NRXN3: variants seen among roughly 807,000 people sequenced by gnomAD.
NRXN3 encodes the protein neurexin III.
Under a neutral mutation model 137.6 loss-of-function variants are expected in NRXN3, and 32 were observed. That is an observed-to-expected ratio of 0.23 (90% confidence interval 0.18 to 0.31). NRXN3 has a LOEUF of 0.31. Among genes scored for constraint, NRXN3 ranks in the 10% least tolerant of loss-of-function variants. NRXN3 has a pLI of 1.00. For missense variants in NRXN3, 1,574 were observed against 2,062.5 expected (o/e 0.76, Z 4.59); for synonymous variants, 798 against 784.5 (o/e 1.02, Z -0.29).
intron 15 of NRXN3, among the ~76,000 whole-genome samples, chr14:79,445,610 A>G (rs2096051046): frequency 6.6e-6 from 1 of 152,198 alleles, no homozygotes; most frequent in Non-Finnish European, 1.5e-5. Context: ...AAAGCTTTTC[A>G]GGAGATCACC....
intron 16 of NRXN3, among the ~76,000 whole-genome samples, chr14:79,655,454 C>T (rs1170313534): frequency 6.6e-6 from 1 of 152,208 alleles, no homozygotes; most frequent in East Asian, 1.9e-4. Context: ...TTCACACGTG[C>T]GTGCTCATGG....
At chr14:79,703,764 A>C (rs150239485) in intron 19 of NRXN3, among the ~76,000 whole-genome samples, 30 of 152,160 alleles carry the variant, frequency 2.0e-4, no homozygotes, top group African/African-American at 6.5e-4. Flanking sequence ...TAGCCTCTCT[A>C]AGCCTCAGTT....
intron 4 of NRXN3, among the ~76,000 whole-genome samples, chr14:78,449,709 G>A (rs547500568): frequency 2.6e-5 from 4 of 152,316 alleles, no homozygotes; most frequent in South Asian, 4.2e-4. Flanking sequence ...CACAGGAAGA[G>A]TAAGTGATTT....
intron 15 of NRXN3, among the ~76,000 whole-genome samples, chr14:79,226,977 C>T (rs2071017207): frequency 6.6e-6 from 1 of 151,718 alleles, no homozygotes; most frequent in African/African-American, 2.4e-5. Flanking sequence ...TGCACCACCA[C>T]ACCCAGCTAA....
intron 15 of NRXN3, among the ~76,000 whole-genome samples, chr14:79,219,120 G>C (rs1020106109): frequency 1.3e-5 from 2 of 151,910 alleles, no homozygotes; most frequent in Non-Finnish European, 2.9e-5. Context: ...AGATTTACAT[G>C]GTGGGCACTC....
intron 16 of NRXN3, among the ~76,000 whole-genome samples, chr14:79,651,879 T>A (rs1240624311): frequency 6.6e-6 from 1 of 152,194 alleles, no homozygotes; most frequent in Non-Finnish European, 1.5e-5. Context: ...CTAAAGCTAA[T>A]GTTGACTCTA....
At chr14:78,774,990 A>G (rs1376224834) in intron 8 of NRXN3, among the ~76,000 whole-genome samples, 1 of 152,218 alleles carries the variant, frequency 6.6e-6, no homozygotes, top group Non-Finnish European at 1.5e-5. Context: ...CTTAGATTTT[A>G]ACTTTTTAAT....
At chr14:78,517,080 T>C (rs1435076269) in intron 4 of NRXN3, among the ~76,000 whole-genome samples, 1 of 152,176 alleles carries the variant, frequency 6.6e-6, no homozygotes, top group African/African-American at 2.4e-5. Context: ...AGTATTTTAA[T>C]CTTCTTACAT....
chr14:79,219,822 A>T (rs1486308978), intron 15 of NRXN3, among the ~76,000 whole-genome samples: 1 of 152,200 alleles, frequency 6.6e-6, no homozygotes, highest in Non-Finnish European at 1.5e-5. Context: ...TTCAACCCAA[A>T]TTAGTTTAAT....
intron 4 of NRXN3, among the ~76,000 whole-genome samples, chr14:78,438,491 G>T (rs965473021): frequency 2.0e-5 from 3 of 152,286 alleles, no homozygotes; most frequent in Middle Eastern, 3.4e-3. Context: ...TGGTATAAGA[G>T]AACAGGTGTT....
intron 10 of NRXN3, among the ~76,000 whole-genome samples, chr14:78,926,589 A>G (rs2099292122): frequency 8.1e-6 from 1 of 122,998 alleles, no homozygotes; most frequent in African/African-American, 3.0e-5. Flanking sequence ...AATAAAATAA[A>G]ATACAAAATT....
At chr14:79,356,300 T>C (rs2093419998) in intron 15 of NRXN3, among the ~76,000 whole-genome samples, 1 of 152,150 alleles carries the variant, frequency 6.6e-6, no homozygotes, top group Non-Finnish European at 1.5e-5. Context: ...GGGTGTGTTA[T>C]TTATGCAGGC....
intron 15 of NRXN3, among the ~76,000 whole-genome samples, chr14:79,159,478 C>T (rs1423366528): frequency 6.6e-6 from 1 of 151,766 alleles, no homozygotes; most frequent in Non-Finnish European, 1.5e-5. Context: ...ATGGCGTTGG[C>T]TATTGTTCAT....
At chr14:78,583,069 G>T (rs1425694268) in intron 4 of NRXN3, among the ~76,000 whole-genome samples, 1 of 152,186 alleles carries the variant, frequency 6.6e-6, no homozygotes, top group Admixed American at 6.5e-5. Context: ...GGGCCTCTGG[G>T]ATACTAACAT....
intron 16 of NRXN3, among the ~76,000 whole-genome samples, chr14:79,641,005 A>G (rs2153957958): frequency 7.5e-6 from 1 of 134,056 alleles, no homozygotes; most frequent in African/African-American, 2.5e-5. Context: ...AGAATAAATT[A>G]TAATCTCCAC....
At chr14:78,723,515 G>T (rs1418700038) in intron 8 of NRXN3, among the ~76,000 whole-genome samples, 8 of 152,166 alleles carry the variant, frequency 5.3e-5, no homozygotes, top group Non-Finnish European at 1.0e-4. Flanking sequence ...GGACTGTGGT[G>T]ACCATTAAGC....
intron 4 of NRXN3, among the ~76,000 whole-genome samples, chr14:78,403,437 C>T (rs1341078981): frequency 6.6e-6 from 1 of 152,200 alleles, no homozygotes; most frequent in Non-Finnish European, 1.5e-5. Context: ...GTCCATGTGA[C>T]TTCCTGAGTC....
chr14:78,351,405 C>T (rs1221363804), intron 4 of NRXN3, among the ~76,000 whole-genome samples: 1 of 152,052 alleles, frequency 6.6e-6, no homozygotes, highest in African/African-American at 2.4e-5. Flanking sequence ...TACATACTGC[C>T]GAAGACTTTC....
At chr14:79,084,780 G>T (rs558836224) in intron 15 of NRXN3, among the ~76,000 whole-genome samples, 1 of 152,180 alleles carries the variant, frequency 6.6e-6, no homozygotes, top group South Asian at 2.1e-4. Flanking sequence ...GCACATGTTC[G>T]TAGGTGACAC....
Sources: gnomAD v4.1 joint callset for allele counts (sites outside exome capture counted in the v4.1 genomes callset) on GRCh38, gnomAD v4.1.1 for gene constraint, MANE v1.5 for transcripts, NCBI Gene and HGNC (gene_info 2026-07-23, HGNC 2026-07-21) for gene names.